The following DPP10 variants were observed in gnomAD, a reference collection of about 807,000 sequenced individuals.
DPP10 encodes inactive dipeptidyl peptidase 10.
DPP10 carries 33 observed loss-of-function variants against 120.9 expected under a neutral mutation model. The observed-to-expected ratio is 0.27, with a 90% CI of 0.21 to 0.37. The LOEUF (loss-of-function observed/expected upper bound fraction) is 0.37. Among genes scored for constraint, DPP10 ranks in the 10% least tolerant of loss-of-function variants. The pLI is 1.00. For missense variants in DPP10, 816 were observed against 942.8 expected (o/e 0.87, Z 1.76); for synonymous variants, 337 against 326.1 (o/e 1.03, Z -0.36).
intron 5 of DPP10, among the ~76,000 whole-genome samples, chr2:115,598,686 G>T (rs1348578343): frequency 2.0e-5 from 3 of 151,612 alleles, no homozygotes; most frequent in Non-Finnish European, 4.4e-5. Context: ...ATATTTTGAA[G>T]AAATTTTTAA....
At chr2:114,527,203 T>A (rs1323627126) in intron 1 of DPP10, among the ~76,000 whole-genome samples, 1 of 152,200 alleles carries the variant, frequency 6.6e-6, no homozygotes, top group Non-Finnish European at 1.5e-5. Context: ...ACTAGCTTTG[T>A]GTTAAATGTG....
intron 1 of DPP10, among the ~76,000 whole-genome samples, chr2:115,017,877 T>G (rs1222998099): frequency 2.0e-5 from 3 of 151,438 alleles, no homozygotes; most frequent in African/African-American, 7.3e-5. Flanking sequence ...TGGGGAGGGA[T>G]AGCATTAGGA....
rs1683461196 is a variant in DPP10 at position 114,504,478 on chromosome 2, C to T, written c.60+61640C>T. On this transcript the variant is annotated intron_variant, in intron 1 of 25. Transcript: ENST00000410059. ...GCCTGCAACTAAGCCCTTCTCCTCA[C>T]CCTCTATCGTTGTCTCTATGCCTGC... Among the ~76,000 whole-genome samples the T allele has an allele frequency of 2.0e-5, 3 of 152,108 alleles. No homozygotes were observed. In the South Asian group the frequency reaches 6.2e-4, roughly 32 times the overall value.
At chr2:115,458,025 C>T (rs1359865720) in intron 3 of DPP10, among the ~76,000 whole-genome samples, 3 of 152,086 alleles carry the variant, frequency 2.0e-5, no homozygotes, top group Admixed American at 2.0e-4. Context: ...GTCCTGAAAA[C>T]ATTATGCTGA....
At chr2:114,933,025 A>G (rs1696196023) in intron 1 of DPP10, among the ~76,000 whole-genome samples, 1 of 152,176 alleles carries the variant, frequency 6.6e-6, no homozygotes. Flanking sequence ...ACTGACTCCA[A>G]CACACCTACT....
intron 1 of DPP10, among the ~76,000 whole-genome samples, chr2:114,790,380 A>G (rs1482361741): frequency 6.6e-6 from 1 of 152,210 alleles, no homozygotes; most frequent in African/African-American, 2.4e-5. Context: ...TATATTTATC[A>G]GACAAGAGTA....
At chr2:114,788,235 G>T (rs1037924764) in intron 1 of DPP10, among the ~76,000 whole-genome samples, 2 of 152,074 alleles carry the variant, frequency 1.3e-5, no homozygotes, top group Non-Finnish European at 2.9e-5. Context: ...TCAATCTAAT[G>T]TAACAATTTT....
At chr2:114,634,383 T>A (rs867071958) in intron 1 of DPP10, among the ~76,000 whole-genome samples, 127 of 151,310 alleles carry the variant, frequency 8.4e-4, no homozygotes, top group Non-Finnish European at 1.3e-3. Context: ...AGTTTTTTTT[T>A]ATTTGTCTTT....
chr2:114,678,881 T>C (rs1316409613), intron 1 of DPP10, among the ~76,000 whole-genome samples: 1 of 152,080 alleles, frequency 6.6e-6, no homozygotes, highest in African/African-American at 2.4e-5. Flanking sequence ...TCCATAAAAT[T>C]AGTCATTTTA....
At chr2:114,544,555 C>T (rs1687216293) in intron 1 of DPP10, among the ~76,000 whole-genome samples, 1 of 152,082 alleles carries the variant, frequency 6.6e-6, no homozygotes, top group East Asian at 1.9e-4. Context: ...TCTTTGTCAG[C>T]ATTTGTTAAA....
chr2:114,693,964 A>G (rs1428867756), intron 1 of DPP10, among the ~76,000 whole-genome samples: 13 of 151,976 alleles, frequency 8.6e-5, no homozygotes, highest in Non-Finnish European at 1.5e-4. Context: ...ACGTGTGTGT[A>G]CGATGAACCC....
At chr2:114,516,295 G>A (rs1044250263) in intron 1 of DPP10, among the ~76,000 whole-genome samples, 4 of 152,170 alleles carry the variant, frequency 2.6e-5, no homozygotes, top group African/African-American at 9.7e-5. Context: ...AGGTTGAAAG[G>A]TTTGAATTTA....
intron 11 of DPP10, among the ~76,000 whole-genome samples, chr2:115,758,617 A>G (rs1679724579): frequency 6.6e-6 from 1 of 152,140 alleles, no homozygotes; most frequent in Non-Finnish European, 1.5e-5. Context: ...ATTAATATGG[A>G]AACAAAAAAT....
chr2:114,709,375 CT>C (rs1700882624), intron 1 of DPP10, among the ~76,000 whole-genome samples: 1 of 152,186 alleles, frequency 6.6e-6, no homozygotes, highest in South Asian at 2.1e-4. Context: ...CTCTAAGTGA[CT>C]TCCCTGACTC....
At chr2:114,501,338 GTTGT>G (rs1436574544) in intron 1 of DPP10, among the ~76,000 whole-genome samples, 1 of 152,172 alleles carries the variant, frequency 6.6e-6, no homozygotes, top group African/African-American at 2.4e-5. Context: ...ATGAATACTA[GTTGT>G]TTATCATGTG....
intron 1 of DPP10, among the ~76,000 whole-genome samples, chr2:114,521,944 A>C (rs1685092048): frequency 6.7e-6 from 1 of 148,990 alleles, no homozygotes; most frequent in Non-Finnish European, 1.5e-5. Flanking sequence ...AGTAGCTGGG[A>C]CTACAGGCGC....
At chr2:115,394,413 T>C (rs925849256) in intron 3 of DPP10, among the ~76,000 whole-genome samples, 3 of 151,566 alleles carry the variant, frequency 2.0e-5, no homozygotes, top group African/African-American at 7.3e-5. Context: ...TAAAATTCTT[T>C]TTTTTAATTA....
intron 7 of DPP10, among the ~76,000 whole-genome samples, chr2:115,725,178 G>A (rs1198350932): frequency 6.6e-6 from 1 of 152,132 alleles, no homozygotes; most frequent in Non-Finnish European, 1.5e-5. Flanking sequence ...TTTTCATTGT[G>A]ATTAAATCTA....
intron 21 of DPP10, among the ~76,000 whole-genome samples, chr2:115,830,358 CAA>C (rs545749288): frequency 0.05 from 3,577 of 71,228 alleles, 126 homozygotes; most frequent in African/African-American, 0.11. Flanking sequence ...AATTCTGTCT[CAA>C]AAAAAAAAAA....
Sources: allele counts gnomAD v4.1 joint callset (sites outside exome capture counted in the v4.1 genomes callset), GRCh38; gene constraint gnomAD v4.1.1; transcripts MANE v1.5; gene names NCBI Gene and HGNC (gene_info 2026-07-23, HGNC 2026-07-21).